DCPS: variants seen among roughly 807,000 people sequenced by gnomAD.
The protein encoded by DCPS is decapping enzyme, scavenger.
A neutral mutation model predicts 34.7 loss-of-function variants in DCPS; 27 were observed. That is an observed-to-expected ratio of 0.78 (90% CI 0.57 to 1.07). The LOEUF (loss-of-function observed/expected upper bound fraction) is 1.07. Ranked by LOEUF, DCPS falls within the 50% of genes least tolerant of loss-of-function variation. DCPS has a pLI of 0.00. For synonymous variants in DCPS, 185 were observed against 185.7 expected, an observed-to-expected ratio of 1.00 and a Z score of 0.03; for missense variants, 464 against 436.9, an observed-to-expected ratio of 1.06 and a Z score of -0.55.
chr11:126,316,676 G>T lies in DCPS; in HGVS notation c.376+9932G>T, dbSNP rs768153530. Among the ~76,000 whole-genome samples, 36 of 149,968 alleles carry T rather than the reference G, an allele frequency of 2.4e-4. 1 individual carries two copies. Among genetic ancestry groups the T allele is most frequent in the Non-Finnish European group, 4.1e-4 (28 of 67,816 alleles). On this transcript the variant is annotated intron_variant, in intron 2 of 5. Transcript: ENST00000263579. ...TTTTTTTTCATGTTTTTCTTGAGAT[G>T]GAGTCTCGCTCTGTCGCTCAGGCTG...
Position 126,346,826 on chromosome 11 carries a change from A to AC in DCPS, c.*1215dup, listed in dbSNP as rs1035089707. Among the ~76,000 whole-genome samples, 4 of 152,176 alleles carry AC rather than the reference A, an allele frequency of 2.6e-5. No individual in the cohort carries two copies. Among genetic ancestry groups the AC allele is most frequent in the Non-Finnish European group, 4.4e-5 (3 of 68,032 alleles). ...GCAGGTGGTAGCCCAGGTGCAGCCA[A>AC]CCTGCTTCAGGGTCTCAGGGCCTGC... is the stretch of plus-strand genomic sequence containing the variant. On this transcript the variant is annotated 3_prime_UTR_variant, in exon 6 of 6. Coordinates refer to ENST00000263579, the MANE Select transcript of DCPS (RefSeq NM_014026.6). This position sits in a 1 kb window ranked among gnomAD's most constrained non-coding sequence, Gnocchi z 4.1.
intron 2 of DCPS, among the ~76,000 whole-genome samples, chr11:126,314,169 C>G (rs1242145249): frequency 1.3e-5 from 2 of 152,226 alleles, no homozygotes; most frequent in African/African-American, 4.8e-5. Flanking sequence ...CAACGTTTAG[C>G]TCCCACGTAT....
At chr11:126,324,398 A>G (rs1343639042) in intron 2 of DCPS, among the ~76,000 whole-genome samples, 6 of 152,042 alleles carry the variant, frequency 3.9e-5, no homozygotes, top group Non-Finnish European at 7.4e-5. Context: ...CTAAAGTTTG[A>G]GAATTACTTC....
chr11:126,308,684 T>G (rs1277517894), intron 2 of DCPS, among the ~76,000 whole-genome samples: 1 of 152,054 alleles, frequency 6.6e-6, no homozygotes, highest in African/African-American at 2.4e-5. Flanking sequence ...GGCTATTATT[T>G]TACTGCCACA....
Position 126,312,503 on chromosome 11 carries a change from T to A in DCPS, c.376+5759T>A, listed in dbSNP as rs1219466365. ...ACAGGCACCCGCCACCACACCCAGCTAATTTTTTTGTATTTTTAATAGAGA... is the reference window on the plus strand; with the variant it reads ...ACAGGCACCCGCCACCACACCCAGCAAATTTTTTTGTATTTTTAATAGAGA... On this transcript the variant is annotated intron_variant, in intron 2 of 5. Coordinates refer to ENST00000263579, the MANE Select transcript of DCPS (RefSeq NM_014026.6). The surrounding 1 kb of genome is among the most constrained non-coding windows in gnomAD (Gnocchi z 5.1). Among the ~76,000 whole-genome samples the A allele has an allele frequency of 6.6e-6, 1 of 151,566 alleles. No individual in the cohort carries two copies. Among genetic ancestry groups the A allele is most frequent in the African/African-American group, 2.4e-5 (1 of 41,200 alleles).
rs1005459008 is a variant in DCPS at position 126,334,956 on chromosome 11, A to G, written c.523-3330A>G. On this transcript the variant is annotated intron_variant, in intron 3 of 5. Coordinates refer to ENST00000263579, the MANE Select transcript of DCPS (RefSeq NM_014026.6). This position sits in a 1 kb window ranked among gnomAD's most constrained non-coding sequence, Gnocchi z 5.5. ...TCGGAGCCCTGGTTTCCTTGTCTGAAAAATGTAACTAATGGCTCCTCCCTC... is the reference window on the plus strand; with the variant it reads ...TCGGAGCCCTGGTTTCCTTGTCTGAGAAATGTAACTAATGGCTCCTCCCTC... 6.6e-6 allele frequency among the ~76,000 whole-genome samples: 1 copy of G among 152,224 alleles called. No individual in the cohort carries two copies. Among genetic ancestry groups the G allele is most frequent in the Non-Finnish European group, 1.5e-5 (1 of 68,034 alleles).
Position 126,331,886 on chromosome 11 carries a change from G to T in DCPS, c.522+336G>T, listed in dbSNP as rs180835570. Among the ~76,000 whole-genome samples, 16 of 150,456 alleles carry T rather than the reference G, an allele frequency of 1.1e-4. No individual in the cohort carries two copies. The highest frequency in any genetic ancestry group is 4.0e-4 in the African/African-American group (16 of 39,790). ...CATGGCGAGAGAAGGCTTTGGGGGT[G>T]GGGGAACTGATGCTGGTCTTGGTCC... On this transcript the variant is annotated intron_variant, in intron 3 of 5. Transcript: ENST00000263579. The surrounding 1 kb of genome is among the most constrained non-coding windows in gnomAD (Gnocchi z 7.2).
At chr11:126,306,241 C>T (rs1951564162) in intron 1 of DCPS, among the ~76,000 whole-genome samples, 1 of 152,084 alleles carries the variant, frequency 6.6e-6, no homozygotes, top group South Asian at 2.1e-4. Flanking sequence ...GATGTGGTGG[C>T]ATGCGCCTGT....
Position 126,317,879 on chromosome 11 carries a change from G to A in DCPS, c.376+11135G>A, listed in dbSNP as rs1198101719. On this transcript the variant is annotated intron_variant, in intron 2 of 5. Transcript: ENST00000263579. Reference sequence around the variant, plus strand: ...CTCTTGCTCTTCCTGTTCACACGGAGCTTTGCAGAGTGCCATTAGCCCCAC... The same window carrying A: ...CTCTTGCTCTTCCTGTTCACACGGAACTTTGCAGAGTGCCATTAGCCCCAC... Among the ~76,000 whole-genome samples the A allele has an allele frequency of 5.3e-5, 8 of 152,294 alleles. No individual in the cohort carries two copies. The East Asian group carries it at 1.2e-3, about 22-fold the overall frequency.
At chr11:126,307,647 T>C (rs181993664) in intron 2 of DCPS, among the ~76,000 whole-genome samples, 1 of 152,264 alleles carries the variant, frequency 6.6e-6, no homozygotes, top group Non-Finnish European at 1.5e-5. Flanking sequence ...GACCTCGTGA[T>C]CCACCCGTCT....
In DCPS at chr11:126,332,425, T is replaced by A. The variant is rs1591389274; in HGVS notation, c.522+875T>A. On this transcript the variant is annotated intron_variant, in intron 3 of 5. Transcript: ENST00000263579. This position sits in a 1 kb window ranked among gnomAD's most constrained non-coding sequence, Gnocchi z 5.4. ...GTCAGTTTCTTGCCCACTCACTGAC[T>A]CTGACACTGTGCCTTGTCTTTATCA... Among the ~76,000 whole-genome samples the A allele has an allele frequency of 6.6e-6, 1 of 152,256 alleles. No individual in the cohort carries two copies. Among genetic ancestry groups the A allele is most frequent in the Non-Finnish European group, 1.5e-5 (1 of 68,034 alleles).
intron 4 of DCPS, chr11:126,341,215 TTC>T (rs1951873231): frequency 6.6e-6 from 1 of 152,248 alleles, no homozygotes; most frequent in African/African-American, 2.4e-5. Flanking sequence ...GCTCCAGCAA[TTC>T]TCTTTCTTCC....
At position 126,347,575 on chromosome 11, in the gene DCPS, A is replaced by G. The variant is rs536196827; in HGVS notation, c.*1962A>G. Among the ~76,000 whole-genome samples, 34 of 152,340 alleles carry G rather than the reference A, an allele frequency of 2.2e-4. No individual in the cohort carries two copies. Among genetic ancestry groups the G allele is most frequent in the African/African-American group, 7.7e-4 (32 of 41,574 alleles). On this transcript the variant is annotated 3_prime_UTR_variant, in exon 6 of 6. Coordinates refer to ENST00000263579, the MANE Select transcript of DCPS (RefSeq NM_014026.6). This position sits in a 1 kb window ranked among gnomAD's most constrained non-coding sequence, Gnocchi z 4.2. The stretch of plus-strand genomic sequence containing the variant: ...TTCAGGCAACATGGAGTTGCAGCCA[A>G]GGAACTTTGAGGTAGTGACCAATGC...
chr11:126,306,673 C>T lies in DCPS; in HGVS notation c.305C>T (p.Pro102Leu). 6.2e-7 allele frequency: 1 copy of T among 1,613,914 alleles called. No individual in the cohort carries two copies. Among genetic ancestry groups the T allele is most frequent in the Non-Finnish European group, 8.5e-7 (1 of 1,179,864 alleles). ...EQVAQLLTGS[P>L]ELQLQFSNDI... ...GTGGCTCAGCTCCTGACGGGCAGCCCTGAGCTCCAGTTGCAGTTCTCCAAT... is the reference window on the plus strand; with the variant it reads ...GTGGCTCAGCTCCTGACGGGCAGCCTTGAGCTCCAGTTGCAGTTCTCCAAT... The change falls in exon 2 of 6, where the codon CCT becomes CTT. Residue 102 changes from proline to leucine, a missense_variant. By Grantham distance (98) the Pro-to-Leu change is moderately conservative (BLOSUM62 -3). Transcript: ENST00000263579.
At chr11:126,343,167 T>C in intron 4 of DCPS, 140 bp from the exon 5 acceptor site, 4 of 664,570 alleles carry the variant, frequency 6.0e-6, no homozygotes, top group African/African-American at 1.8e-5. Context: ...GCCCGGGGTA[T>C]GCAGATGCCC....
Position 126,328,248 on chromosome 11 carries a change from G to A in DCPS, c.377-3157G>A, listed in dbSNP as rs1951755204. On this transcript the variant is annotated intron_variant, in intron 2 of 5. Transcript: ENST00000263579. This position sits in a 1 kb window ranked among gnomAD's most constrained non-coding sequence, Gnocchi z 6.6. The stretch of plus-strand genomic sequence containing the variant: ...ACCAACAGCCTCGTAGTCCACGGCA[G>A]GAAGCGCGGGAGCTGTGGAGCAGGG... Among the ~76,000 whole-genome samples, 1 of 152,212 alleles carries A rather than the reference G, an allele frequency of 6.6e-6. No individual in the cohort carries two copies. The highest frequency in any genetic ancestry group is 1.5e-5 in the Non-Finnish European group (1 of 68,044).
rs2135329531 is a variant in DCPS at position 126,334,141 on chromosome 11, T to C, written c.522+2591T>C. On this transcript the variant is annotated intron_variant, in intron 3 of 5. Transcript: ENST00000263579. This position sits in a 1 kb window ranked among gnomAD's most constrained non-coding sequence, Gnocchi z 5.5. ...GGCTGGATGGGGCTTAGCAACTGAT[T>C]GACGTGCAGAGGGGAGGGAAGAGGT... Among the ~76,000 whole-genome samples the C allele has an allele frequency of 6.6e-6, 1 of 152,056 alleles. No homozygotes were observed. The highest frequency in any genetic ancestry group is 6.5e-5 in the Admixed American group (1 of 15,278).
intron 2 of DCPS, among the ~76,000 whole-genome samples, chr11:126,317,061 C>A (rs1951668673): frequency 6.6e-6 from 1 of 151,176 alleles, no homozygotes. Context: ...CAGGTTCATG[C>A]CATTCTCCTG....
chr11:126,316,490 G>C (rs973175642), intron 2 of DCPS, among the ~76,000 whole-genome samples: 1 of 151,996 alleles, frequency 6.6e-6, no homozygotes, highest in African/African-American at 2.4e-5. Flanking sequence ...TTTCCAGAAA[G>C]CTCTTTCCTG....
Sources: allele counts gnomAD v4.1 joint callset (sites outside exome capture counted in the v4.1 genomes callset), GRCh38; gene constraint gnomAD v4.1.1; non-coding constraint Gnocchi (gnomAD v3.1); transcripts MANE v1.5; gene names NCBI Gene and HGNC (gene_info 2026-07-23, HGNC 2026-07-21).